The following RBFOX1 variants were observed in gnomAD, a reference collection of about 807,000 sequenced individuals.
The protein encoded by RBFOX1 is RNA binding protein fox-1 homolog 1.
RBFOX1 carries 8 observed loss-of-function variants against 57.7 expected under a neutral mutation model. The ratio of observed to expected loss-of-function variants is 0.14; its 90% CI spans 0.08 to 0.25. The LOEUF (loss-of-function observed/expected upper bound fraction) is 0.25, where lower values mean the gene tolerates loss of function less well. Among genes scored for constraint, RBFOX1 ranks in the 10% least tolerant of loss-of-function variants. The pLI is 1.00. For synonymous variants in RBFOX1, 326 were observed against 222.4 expected (o/e 1.47, Z -4.15); for missense variants, 611 against 548.5 (o/e 1.11, Z -1.14).
chr16:5,530,938 A>T, intron 2 of RBFOX1, among the ~76,000 whole-genome samples: 1 of 12,158 alleles, frequency 8.2e-5, no homozygotes, highest in Non-Finnish European at 1.3e-4. Context: ...AAATATAAAA[A>T]AAAAAAAAAA....
chr16:6,989,736 A>G (rs2091083658), intron 3 of RBFOX1, among the ~76,000 whole-genome samples: 1 of 152,170 alleles, frequency 6.6e-6, no homozygotes, highest in South Asian at 2.1e-4. Flanking sequence ...GCTGTGGCTC[A>G]CACCTGTAAT....
At chr16:6,377,297 GA>G (rs934205028) in intron 2 of RBFOX1, among the ~76,000 whole-genome samples, 7 of 145,474 alleles carry the variant, frequency 4.8e-5, no homozygotes, top group South Asian at 2.2e-4. Context: ...AAAAGAAAAA[GA>G]AAAAAAAAGG....
At chr16:7,579,715 A>C in intron 5 of RBFOX1, 62 bp from the exon 6 acceptor site, 1 of 1,594,942 alleles carries the variant, frequency 6.3e-7, no homozygotes. Context: ...CAAGCAAAAG[A>C]GCATCGGAAG....
chr16:7,119,211 A>T (rs1313810508), intron 4 of RBFOX1, among the ~76,000 whole-genome samples: 2 of 152,170 alleles, frequency 1.3e-5, no homozygotes, highest in Non-Finnish European at 2.9e-5. Flanking sequence ...GCAATGCTCT[A>T]TTACTGTAGG....
chr16:6,749,760 C>T (rs990688858), intron 3 of RBFOX1, among the ~76,000 whole-genome samples: 7 of 152,172 alleles, frequency 4.6e-5, no homozygotes, highest in Admixed American at 4.6e-4. Flanking sequence ...GAAAGTTTTT[C>T]AGTGTTAACA....
At chr16:7,693,212 C>T (rs560310956) in intron 14 of RBFOX1, 26 of 902,778 alleles carry the variant, frequency 2.9e-5, no homozygotes, top group South Asian at 1.9e-4. Flanking sequence ...TCCATTCACA[C>T]GCAGCACCCT....
At chr16:5,605,300 C>G (rs1055598611) in intron 3 of RBFOX1, among the ~76,000 whole-genome samples, 1 of 152,200 alleles carries the variant, frequency 6.6e-6, no homozygotes, top group Non-Finnish European at 1.5e-5. Context: ...TCTTTCTGCT[C>G]TCACGTCCCT....
chr16:5,985,048 C>T (rs1482005904), intron 4 of RBFOX1, among the ~76,000 whole-genome samples: 2 of 138,196 alleles, frequency 1.4e-5, no homozygotes. Flanking sequence ...AGTAGTAGTG[C>T]GATCTTGGCT....
intron 9 of RBFOX1, among the ~76,000 whole-genome samples, chr16:7,600,902 C>A (rs1309947262): frequency 6.6e-6 from 1 of 152,172 alleles, no homozygotes; most frequent in Non-Finnish European, 1.5e-5. Context: ...CCGTAGGCTT[C>A]TGGACATTCT....
intron 3 of RBFOX1, among the ~76,000 whole-genome samples, chr16:5,757,584 G>C (rs1350415312): frequency 6.6e-6 from 1 of 152,124 alleles, no homozygotes; most frequent in African/African-American, 2.4e-5. Context: ...TCAACTGATA[G>C]GGTGTTGGTT....
Position 6,637,357 on chromosome 16 carries a change from A to AT in RBFOX1, c.-63-17246_-63-17245insT, listed in dbSNP as rs1491508373. Among the ~76,000 whole-genome samples, 14 of 31,570 alleles carry AT rather than the reference A, an allele frequency of 4.4e-4. 1 individual carries two copies. Among genetic ancestry groups the AT allele is most frequent in the East Asian group, 3.0e-3 (3 of 984 alleles). 20.7% of individuals were successfully genotyped at this position (31,570 alleles called of 152,430 possible). A position where few individuals can be genotyped will look rare whatever the true frequency, so the allele number is the denominator to read the frequency against. ...AATATACAAATATATATTATATATT[A>AT]AATATATATAATATATAATATACAA... On this transcript the variant is annotated intron_variant, in intron 2 of 15. Transcript: ENST00000550418.
intron 4 of RBFOX1, among the ~76,000 whole-genome samples, chr16:7,153,603 G>C (rs954306611): frequency 2.6e-5 from 4 of 151,764 alleles, no homozygotes; most frequent in African/African-American, 9.7e-5. Flanking sequence ...GCATGGTGAT[G>C]GTGGTGGGGG....
intron 4 of RBFOX1, among the ~76,000 whole-genome samples, chr16:7,260,856 C>G (rs1002760660): frequency 6.6e-6 from 1 of 152,168 alleles, no homozygotes; most frequent in African/African-American, 2.4e-5. Flanking sequence ...AGTTAGGGAA[C>G]CCCTATCTAA....
chr16:6,982,185 A>G (rs1026817424), intron 3 of RBFOX1, among the ~76,000 whole-genome samples: 3 of 152,174 alleles, frequency 2.0e-5, no homozygotes, highest in African/African-American at 7.2e-5. Context: ...CTGGCATCCA[A>G]TTTGAGAAAC....
At chr16:6,707,783 G>A (rs1287668043) in intron 3 of RBFOX1, among the ~76,000 whole-genome samples, 1 of 152,124 alleles carries the variant, frequency 6.6e-6, no homozygotes, top group Non-Finnish European at 1.5e-5. Context: ...AAAAGAGAAA[G>A]TTTATTAAAT....
intron 3 of RBFOX1, among the ~76,000 whole-genome samples, chr16:5,654,824 C>T (rs1203915571): frequency 6.6e-6 from 1 of 152,016 alleles, no homozygotes; most frequent in Non-Finnish European, 1.5e-5. Context: ...GCTCTCTCCC[C>T]ACTCTCTCCT....
chr16:6,257,064 T>C (rs1316928306), intron 1 of RBFOX1, among the ~76,000 whole-genome samples: 1 of 152,150 alleles, frequency 6.6e-6, no homozygotes, highest in African/African-American at 2.4e-5. Flanking sequence ...GGGTCATTTT[T>C]TGATGTATTT....
intron 2 of RBFOX1, among the ~76,000 whole-genome samples, chr16:6,357,240 C>G (rs1486602427): frequency 2.0e-5 from 3 of 152,092 alleles, no homozygotes; most frequent in Non-Finnish European, 4.4e-5. Context: ...GTGCTAGAGT[C>G]TGGGTCCCTG....
intron 3 of RBFOX1, among the ~76,000 whole-genome samples, chr16:6,879,861 T>C (rs576846431): frequency 2.0e-5 from 3 of 152,248 alleles, no homozygotes; most frequent in African/African-American, 7.2e-5. Flanking sequence ...TTTTGAATTA[T>C]CTCATAAATG....
Sources: gnomAD v4.1 joint callset for allele counts (sites outside exome capture counted in the v4.1 genomes callset) on GRCh38, gnomAD v4.1.1 for gene constraint, MANE v1.5 for transcripts, NCBI Gene and HGNC (gene_info 2026-07-23, HGNC 2026-07-21) for gene names.